Variants in OR2C1 observed in about 807,000 individuals in gnomAD.
OR2C1 encodes the protein olfactory receptor 2C1.
For missense variants in OR2C1, 468 were observed against 388.3 expected (o/e 1.21, Z -1.73); for synonymous variants, 209 against 167.3 (o/e 1.25, Z -1.92).
At chr16:3,346,188 C>CTGTG in the OR2C1 span, among the ~76,000 whole-genome samples, 6 of 150,426 alleles carry the variant, frequency 4.0e-5, no homozygotes, top group East Asian at 1.9e-4. Flanking sequence ...CTTTGCTTTG[C>CTGTG]TGTGTGTGTG....
upstream of OR2C1, among the ~76,000 whole-genome samples, chr16:3,353,723 C>T (rs1426156907): frequency 1.3e-5 from 2 of 151,698 alleles, no homozygotes; most frequent in Non-Finnish European, 1.5e-5. Context: ...ATCGCTTGAA[C>T]CTGGGAGGCA....
the OR2C1 span, among the ~76,000 whole-genome samples, chr16:3,328,672 C>G: frequency 6.6e-6 from 1 of 152,186 alleles, no homozygotes; most frequent in Non-Finnish European, 1.5e-5. Context: ...CTCACCCTCC[C>G]TCTCCTTATC....
upstream of OR2C1, among the ~76,000 whole-genome samples, chr16:3,351,229 T>C (rs1358210376): frequency 5.7e-4 from 33 of 57,804 alleles, no homozygotes; most frequent in African/African-American, 2.1e-3. Context: ...TCTTTTTCTT[T>C]TTTTTTTTTT....
chr16:3,327,942 AT>A, the OR2C1 span, among the ~76,000 whole-genome samples: 1 of 151,940 alleles, frequency 6.6e-6, no homozygotes, highest in East Asian at 1.9e-4. Context: ...GCTTGATTTT[AT>A]TTTGTTTTAA....
Position 3,356,026 on chromosome 16 carries a change from T to C in OR2C1, c.86T>C (p.Ile29Thr). 6.2e-7 allele frequency: 1 copy of C among 1,614,154 alleles called. No individual in the cohort carries two copies. Among genetic ancestry groups the C allele is most frequent in the Non-Finnish European group, 8.5e-7 (1 of 1,179,990 alleles). ...CCCCAGCTGGAGATGATCTTTTTTATAGCCATCCTCTTCTCCTATTTGCTG... is the reference window on the plus strand; with the variant it reads ...CCCCAGCTGGAGATGATCTTTTTTACAGCCATCCTCTTCTCCTATTTGCTG... Reference protein sequence around the residue: ...DHPQLEMIFFIAILFSYLLTL... With the variant: ...DHPQLEMIFFTAILFSYLLTL... Residue 29 changes from isoleucine to threonine, a missense_variant, in exon 1 of 1, where the codon ATA becomes ACA. Ile to Thr is a moderately conservative substitution (Grantham distance 89). Transcript: ENST00000304936.
chr16:3,327,275 C>G, the OR2C1 span, among the ~76,000 whole-genome samples: 1 of 151,992 alleles, frequency 6.6e-6, no homozygotes, highest in African/African-American at 2.4e-5. Context: ...TGTTGGTTTA[C>G]TTTGGAGTAT....
At chr16:3,328,184 G>A in the OR2C1 span, among the ~76,000 whole-genome samples, 4 of 152,180 alleles carry the variant, frequency 2.6e-5, no homozygotes, top group Admixed American at 2.6e-4. Context: ...GTCAAGAAGT[G>A]TGCTACAAAC....
the OR2C1 span, among the ~76,000 whole-genome samples, chr16:3,333,211 A>ATTTTTTTTTTTTTTTTTTT: frequency 1.1e-4 from 7 of 65,850 alleles, no homozygotes; most frequent in Non-Finnish European, 1.7e-4. Flanking sequence ...TCTTTTGCCC[A>ATTTTTTTTTTTTTTTTTTT]TTTTTTTTTT....
upstream of OR2C1, chr16:3,355,860 C>T (rs543384174): frequency 1.8e-5 from 18 of 991,888 alleles, no homozygotes; most frequent in East Asian, 3.8e-4. Flanking sequence ...GCAAATCCAC[C>T]TCATCCAACA....
chr16:3,332,285 A>T, the OR2C1 span, among the ~76,000 whole-genome samples: 3 of 152,012 alleles, frequency 2.0e-5, no homozygotes, highest in Non-Finnish European at 4.4e-5. Context: ...TTGTAGAGAC[A>T]GGGTCTTGCC....
In OR2C1 at chr16:3,356,336, C is replaced by T; in HGVS notation, c.396C>T (p.Tyr132=). 4 of 1,613,352 alleles carry T rather than the reference C, an allele frequency of 2.5e-6. No individual in the cohort carries two copies. Among genetic ancestry groups the T allele is most frequent in the East Asian group, 2.2e-5 (1 of 44,892 alleles). The change falls in exon 1 of 1, where the codon TAC becomes TAT. Residue 132 remains tyrosine, a synonymous_variant. Transcript: ENST00000304936. ...TGGCAGTGTGCCGGCCCCTCCGCTA[C>T]ACCGCCATCATGAACCCCCAGCTCT... ...RYVAVCRPLR[Y]TAIMNPQLCW...
chr16:3,332,672 T>C, the OR2C1 span, among the ~76,000 whole-genome samples: 18 of 151,844 alleles, frequency 1.2e-4, no homozygotes, highest in Non-Finnish European at 2.4e-4. Flanking sequence ...ATGCTACAAA[T>C]GACAAGATTT....
chr16:3,339,747 C>T, the OR2C1 span, among the ~76,000 whole-genome samples: 865 of 152,262 alleles, frequency 5.7e-3, 6 homozygotes, highest in African/African-American at 0.019. Context: ...TGAGCCACCG[C>T]ACCCGGCCCC....
the OR2C1 span, among the ~76,000 whole-genome samples, chr16:3,327,107 C>A: frequency 6.6e-6 from 1 of 151,746 alleles, no homozygotes. Flanking sequence ...TTATATGTAC[C>A]CACTTAGAGG....
upstream of OR2C1, among the ~76,000 whole-genome samples, chr16:3,353,263 G>A (rs1249761886): frequency 2.0e-5 from 3 of 150,722 alleles, no homozygotes; most frequent in Admixed American, 6.6e-5. Context: ...AGGCTGAGGC[G>A]GGCAGATCAC....
chr16:3,346,716 G>A, the OR2C1 span, among the ~76,000 whole-genome samples: 1 of 142,798 alleles, frequency 7.0e-6, no homozygotes, highest in South Asian at 2.2e-4. Flanking sequence ...TGCAACCTCT[G>A]CCTCCTGGGT....
At chr16:3,333,352 T>G in the OR2C1 span, among the ~76,000 whole-genome samples, 1 of 151,922 alleles carries the variant, frequency 6.6e-6, no homozygotes, top group East Asian at 1.9e-4. Context: ...GTTTAGTTTA[T>G]TTGAGACGGA....
At chr16:3,340,147 C>T in the OR2C1 span, among the ~76,000 whole-genome samples, 4 of 151,990 alleles carry the variant, frequency 2.6e-5, no homozygotes, top group African/African-American at 7.2e-5. Context: ...GGCATGGTGG[C>T]AGGCACCTGT....
chr16:3,333,424 C>T, the OR2C1 span, among the ~76,000 whole-genome samples: 1 of 151,866 alleles, frequency 6.6e-6, no homozygotes, highest in African/African-American at 2.4e-5. Context: ...CAAGCTCCGC[C>T]TCCCGGGTTC....
Sources: gnomAD v4.1 joint callset for allele counts (sites outside exome capture counted in the v4.1 genomes callset) on GRCh38, gnomAD v4.1.1 for gene constraint, MANE v1.5 for transcripts, NCBI Gene and HGNC (gene_info 2026-07-23, HGNC 2026-07-21) for gene names.